The following LRRIQ3 variants were observed in gnomAD, a reference collection of about 807,000 sequenced individuals.
The protein encoded by LRRIQ3 is leucine rich repeats and IQ motif containing 3, also known as leucine-rich repeat and IQ domain-containing protein 3.
In LRRIQ3, 75 loss-of-function variants were observed where a neutral mutation model predicts 59.3. The ratio of observed to expected loss-of-function variants is 1.26; its 90% CI spans 1.05 to 1.53. LRRIQ3 has a LOEUF of 1.53. Among genes scored for constraint, LRRIQ3 ranks in the 40% most tolerant of loss-of-function variants. The probability of loss-of-function intolerance (pLI) is 0.00; values close to 1 mark genes in which losing one functional copy is unlikely to be tolerated. For synonymous variants in LRRIQ3, 250 were observed against 231.3 expected, an observed-to-expected ratio of 1.08 and a Z score of -0.73; for missense variants, 831 against 710.0, an observed-to-expected ratio of 1.17 and a Z score of -1.94.
intron 4 of LRRIQ3, among the ~76,000 whole-genome samples, chr1:74,112,747 A>G (rs961988551): frequency 2.6e-5 from 4 of 152,168 alleles, no homozygotes; most frequent in African/African-American, 9.6e-5. Flanking sequence ...GAGGAGCAAT[A>G]TCAGAGGCTT....
chr1:74,132,970 C>T (rs1234322670), intron 4 of LRRIQ3, among the ~76,000 whole-genome samples: 4 of 152,064 alleles, frequency 2.6e-5, no homozygotes, highest in South Asian at 2.1e-4. Context: ...ACTCATCTGA[C>T]AATGGGCTAA....
chr1:74,153,296 A>C (rs2100661835), intron 4 of LRRIQ3, among the ~76,000 whole-genome samples: 1 of 152,312 alleles, frequency 6.6e-6, no homozygotes, highest in African/African-American at 2.4e-5. Context: ...TAATCATAAT[A>C]ATTTTATAAA....
At chr1:74,131,792 A>G (rs1398368780) in intron 4 of LRRIQ3, among the ~76,000 whole-genome samples, 1 of 152,060 alleles carries the variant, frequency 6.6e-6, no homozygotes, top group Non-Finnish European at 1.5e-5. Context: ...CAAAAACTGG[A>G]AGCATTCCCT....
chr1:74,047,191 C>T (rs534284549), intron 6 of LRRIQ3, among the ~76,000 whole-genome samples: 6 of 152,166 alleles, frequency 3.9e-5, no homozygotes, highest in East Asian at 3.9e-4. Flanking sequence ...TGGAACCAAC[C>T]CAAATGCCCA....
At chr1:74,160,854 G>A (rs756851350) in intron 3 of LRRIQ3, among the ~76,000 whole-genome samples, 11 of 151,878 alleles carry the variant, frequency 7.2e-5, no homozygotes, top group African/African-American at 1.2e-4. Context: ...TTGTTCTATC[G>A]TCACCCTGAA....
intron 3 of LRRIQ3, among the ~76,000 whole-genome samples, chr1:74,160,079 GT>G (rs1384436558): frequency 2.6e-5 from 4 of 151,900 alleles, no homozygotes; most frequent in Non-Finnish European, 5.9e-5. Context: ...TAAAAATCAG[GT>G]CATATAAATG....
chr1:74,073,890 A>G (rs1175096164), intron 6 of LRRIQ3, among the ~76,000 whole-genome samples: 1 of 152,206 alleles, frequency 6.6e-6, no homozygotes, highest in African/African-American at 2.4e-5. Flanking sequence ...TTATCTAATC[A>G]TGACAAATTT....
At chr1:74,073,005 A>G (rs1333144643) in intron 6 of LRRIQ3, among the ~76,000 whole-genome samples, 1 of 152,112 alleles carries the variant, frequency 6.6e-6, no homozygotes, top group Non-Finnish European at 1.5e-5. Flanking sequence ...TCTTTCTTTC[A>G]ATGCCTTGAG....
intron 4 of LRRIQ3, among the ~76,000 whole-genome samples, chr1:74,119,728 G>C (rs572890995): frequency 6.6e-6 from 1 of 152,064 alleles, no homozygotes; most frequent in East Asian, 1.9e-4. Context: ...ATCCTACTTT[G>C]AGATTCCCTT....
chr1:74,035,704 C>T (rs1653848408), intron 7 of LRRIQ3, among the ~76,000 whole-genome samples: 1 of 152,082 alleles, frequency 6.6e-6, no homozygotes, highest in African/African-American at 2.4e-5. Context: ...GTCTTTACTG[C>T]ACAACTGTCT....
rs752529718 is a variant in LRRIQ3, at chr1:74,041,383, T to C, written c.1548A>G (p.Leu516=). 2 of 1,613,886 alleles carry C rather than the reference T, an allele frequency of 1.2e-6. No individual in the cohort carries two copies. The highest frequency in any genetic ancestry group is 1.7e-6 in the Non-Finnish European group (2 of 1,179,886). The part of the protein sequence containing the change: ...KEKSQKASER[L]LVQNLNNERT... ...GCTCATTATTTAAGTTTTGAACTAA[T>C]AAACGCTCTGAAGCCTTTTGGGATT... Residue 516 remains leucine (L), a synonymous_variant, in exon 7 of 8, where the codon TTA becomes TTG. Coordinates refer to ENST00000354431, the MANE Select transcript of LRRIQ3 (RefSeq NM_001105659.2).
chr1:74,177,354 C>A (rs1649705580), intron 3 of LRRIQ3, among the ~76,000 whole-genome samples: 1 of 152,074 alleles, frequency 6.6e-6, no homozygotes, highest in Admixed American at 6.6e-5. Context: ...ACTGGATCTC[C>A]TTGCTCCTCA....
intron 4 of LRRIQ3, among the ~76,000 whole-genome samples, chr1:74,150,974 A>ATTTAGTTT (rs1647896141): frequency 6.6e-6 from 1 of 150,808 alleles, no homozygotes; most frequent in Non-Finnish European, 1.5e-5. Flanking sequence ...AGTCACAGAA[A>ATTTAGTTT]TTTAGTTTGC....
intron 5 of LRRIQ3, among the ~76,000 whole-genome samples, chr1:74,103,542 T>A (rs1646563415): frequency 6.6e-6 from 1 of 151,878 alleles, no homozygotes. Context: ...GGAAACACAC[T>A]ATTTCACAAA....
At chr1:74,093,931 TG>T (rs1198889136) in intron 5 of LRRIQ3, among the ~76,000 whole-genome samples, 1 of 152,062 alleles carries the variant, frequency 6.6e-6, no homozygotes, top group Non-Finnish European at 1.5e-5. Flanking sequence ...ATATATTAGT[TG>T]GGTAGGGCTT....
chr1:74,026,907 T>C lies in LRRIQ3; in HGVS notation c.1781A>G (p.Glu594Gly), dbSNP rs1362192585. Residue 594 changes from glutamate (E) to glycine (G), a missense_variant, in exon 8 of 8, where the codon GAA becomes GGA. Coordinates refer to ENST00000354431, the MANE Select transcript of LRRIQ3 (RefSeq NM_001105659.2). ...EKFVMDMIAFEKACERLQDAK... is the reference protein window; with the variant it reads ...EKFVMDMIAFGKACERLQDAK... ...ATCTTGAAGTCTTTCACAGGCTTTT[T>C]CAAAGGCAATCATATCCATAACAAA... 1.2e-6 allele frequency: 2 copies of C among 1,602,142 alleles called. No individual in the cohort carries two copies. Among genetic ancestry groups the C allele is most frequent in the Middle Eastern group, 1.7e-4 (1 of 6,002 alleles).
At chr1:74,084,204 AT>A (rs771217102) in intron 5 of LRRIQ3, 156 of 1,536,696 alleles carry the variant, frequency 1.0e-4, no homozygotes, top group East Asian at 6.4e-4. Flanking sequence ...TTGACCCATA[AT>A]TTTTTTTTAT....
chr1:74,048,357 T>C (rs1402679018), intron 6 of LRRIQ3, among the ~76,000 whole-genome samples: 1 of 152,176 alleles, frequency 6.6e-6, no homozygotes, highest in African/African-American at 2.4e-5. Context: ...GAGAGGGGAG[T>C]ATAATGTTCC....
At chr1:74,130,315 C>T (rs866175186) in intron 4 of LRRIQ3, among the ~76,000 whole-genome samples, 1 of 152,242 alleles carries the variant, frequency 6.6e-6, no homozygotes, top group Middle Eastern at 3.4e-3. Context: ...ATGGCTATGG[C>T]TGATCTCAAT....
Sources: allele counts gnomAD v4.1 joint callset (sites outside exome capture counted in the v4.1 genomes callset), GRCh38; gene constraint gnomAD v4.1.1; transcripts MANE v1.5; gene names NCBI Gene and HGNC (gene_info 2026-07-23, HGNC 2026-07-21).